Variants in ALMS1 observed in about 807,000 individuals in gnomAD.
ALMS1 encodes the protein ALMS1 centrosome and basal body associated protein, also known as centrosome-associated protein ALMS1.
A neutral mutation model predicts 352.2 loss-of-function variants in ALMS1; 271 were observed. The ratio of observed to expected loss-of-function variants is 0.77; its 90% confidence interval spans 0.70 to 0.85. ALMS1 has a LOEUF of 0.85. Ranked by LOEUF, ALMS1 falls within the 40% of genes least tolerant of loss-of-function variation. ALMS1 has a pLI of 0.00. For synonymous variants in ALMS1, 1,865 were observed against 1,761.2 expected (o/e 1.06, Z -1.48); for missense variants, 5,445 against 4,870.7 (o/e 1.12, Z -3.51).
chr2:73,585,353 G>GT (rs1675286419), intron 16 of ALMS1, among the ~76,000 whole-genome samples: 1 of 146,368 alleles, frequency 6.8e-6, no homozygotes, highest in Non-Finnish European at 1.5e-5. Context: ...TCTCATTGTG[G>GT]TTTTAATTTG....
intron 16 of ALMS1, among the ~76,000 whole-genome samples, chr2:73,582,946 G>A (rs983873021): frequency 2.5e-4 from 38 of 152,010 alleles, no homozygotes; most frequent in Non-Finnish European, 4.4e-4. Flanking sequence ...TTTTTGAGGA[G>A]CCTCAACACT....
Position 73,451,571 on chromosome 2 carries a change from A to G in ALMS1, c.5044A>G (p.Ser1682Gly). 6.2e-7 allele frequency: 1 copy of G among 1,613,984 alleles called. No homozygotes were observed. Among genetic ancestry groups the G allele is most frequent in the Non-Finnish European group, 8.5e-7 (1 of 1,179,980 alleles). ...TTTCTACCAGCAGACCCTATCAGAC[A>G]GTCATTTACCTGAAGAAGCTCTGAA... The part of the protein sequence containing the change: ...VIFYQQTLSD[S>G]HLPEEALKVP... Residue 1682 changes from serine to glycine, a missense_variant, in exon 8 of 23, where the codon AGT (serine) becomes GGT (glycine). Transcript: ENST00000613296.
chr2:73,464,907 C>T (rs973923909), intron 9 of ALMS1, among the ~76,000 whole-genome samples: 7 of 152,116 alleles, frequency 4.6e-5, no homozygotes, highest in African/African-American at 1.7e-4. Context: ...AGGACTTCTT[C>T]AAGGAGAACT....
intron 13 of ALMS1, among the ~76,000 whole-genome samples, chr2:73,556,879 T>C (rs1274002752): frequency 2.0e-5 from 3 of 151,978 alleles, no homozygotes; most frequent in Non-Finnish European, 4.4e-5. Context: ...TTTTTGTATT[T>C]ATAGTAGAGT....
intron 10 of ALMS1, among the ~76,000 whole-genome samples, chr2:73,511,434 C>T (rs186005769): frequency 1.2e-4 from 19 of 152,044 alleles, no homozygotes; most frequent in African/African-American, 2.4e-4. Context: ...TTCCCCAACC[C>T]GTTGTGCTTC....
chr2:73,404,985 C>T (rs2103666926), intron 1 of ALMS1, among the ~76,000 whole-genome samples: 1 of 133,982 alleles, frequency 7.5e-6, no homozygotes, highest in Non-Finnish European at 1.5e-5. Context: ...AATCTCAGCT[C>T]ACTGCAACCT....
At chr2:73,446,718 C>T (rs985993495) in intron 7 of ALMS1, among the ~76,000 whole-genome samples, 2 of 152,162 alleles carry the variant, frequency 1.3e-5, no homozygotes, top group South Asian at 4.2e-4. Context: ...GTCACTTACC[C>T]ACCTACAATT....
At chr2:73,599,623 A>G (rs1309550565) in intron 17 of ALMS1, 102 bp downstream of exon 17, 91 of 1,341,730 alleles carry the variant, frequency 6.8e-5, no homozygotes, top group Non-Finnish European at 9.2e-5. Flanking sequence ...TGAAGATAAA[A>G]CTATATCCAA....
chr2:73,415,156 A>G (rs537202637), intron 2 of ALMS1, among the ~76,000 whole-genome samples: 2 of 152,226 alleles, frequency 1.3e-5, no homozygotes, highest in South Asian at 2.1e-4. Flanking sequence ...CCCTCCCCAC[A>G]TCTGTCAAAA....
chr2:73,518,201 A>C (rs150566392), intron 10 of ALMS1, among the ~76,000 whole-genome samples: 4,957 of 151,866 alleles, frequency 0.033, 215 homozygotes, highest in Admixed American at 0.093. Context: ...CCCACTTATA[A>C]ATGTGAGGAT....
intron 15 of ALMS1, among the ~76,000 whole-genome samples, chr2:73,566,851 G>T (rs549282714): frequency 6.6e-6 from 1 of 152,306 alleles, no homozygotes; most frequent in South Asian, 2.1e-4. Flanking sequence ...TAATTTGCTC[G>T]AATGGCTCAG....
chr2:73,428,099 T>G (rs1188420891), intron 6 of ALMS1, among the ~76,000 whole-genome samples: 1 of 152,174 alleles, frequency 6.6e-6, no homozygotes, highest in African/African-American at 2.4e-5. Context: ...AAACTAGGCA[T>G]TTTTTAATTT....
At chr2:73,437,461 T>C (rs1458223038) in intron 7 of ALMS1, among the ~76,000 whole-genome samples, 1 of 152,188 alleles carries the variant, frequency 6.6e-6, no homozygotes, top group Non-Finnish European at 1.5e-5. Flanking sequence ...GGGGACTGGG[T>C]GAAGGTAGGT....
intron 15 of ALMS1, among the ~76,000 whole-genome samples, chr2:73,564,933 G>C (rs1674772718): frequency 6.6e-6 from 1 of 152,142 alleles, no homozygotes; most frequent in Admixed American, 6.5e-5. Context: ...TTTTGTACTG[G>C]TATAATTTAT....
chr2:73,582,000 C>G (rs1675193242), intron 16 of ALMS1, among the ~76,000 whole-genome samples: 1 of 152,076 alleles, frequency 6.6e-6, no homozygotes, highest in Admixed American at 6.5e-5. Flanking sequence ...CCTTGGCCTC[C>G]CAAAATGCTG....
intron 16 of ALMS1, among the ~76,000 whole-genome samples, chr2:73,579,086 T>TTTTTTTG (rs1675116518): frequency 6.7e-6 from 1 of 149,426 alleles, no homozygotes; most frequent in African/African-American, 2.5e-5. Flanking sequence ...TTTTTTTTTT[T>TTTTTTTG]GAGACGGAGT....
chr2:73,533,892 GA>G (rs1406962692), intron 11 of ALMS1, among the ~76,000 whole-genome samples: 4 of 152,140 alleles, frequency 2.6e-5, no homozygotes, highest in Non-Finnish European at 4.4e-5. Flanking sequence ...AAAACTTCAT[GA>G]ATGGTGTAAT....
intron 11 of ALMS1, among the ~76,000 whole-genome samples, chr2:73,532,491 C>A (rs1046199227): frequency 6.6e-5 from 10 of 152,304 alleles, no homozygotes; most frequent in Non-Finnish European, 1.3e-4. Context: ...ACAGAGGAGT[C>A]ACTCCCCATG....
chr2:73,519,094 A>G (rs1418805621), intron 10 of ALMS1, among the ~76,000 whole-genome samples: 1 of 152,186 alleles, frequency 6.6e-6, no homozygotes, highest in Non-Finnish European at 1.5e-5. Context: ...AGTGCTTGCT[A>G]GGTGTCTCCA....
Sources: allele counts gnomAD v4.1 joint callset (sites outside exome capture counted in the v4.1 genomes callset), GRCh38; gene constraint gnomAD v4.1.1; transcripts MANE v1.5; gene names NCBI Gene and HGNC (gene_info 2026-07-23, HGNC 2026-07-21).